KLK14: variants seen among roughly 807,000 people sequenced by gnomAD.
The protein encoded by KLK14 is kallikrein-14.
Under a neutral mutation model 24.6 loss-of-function variants are expected in KLK14, and 21 were observed. That is an observed-to-expected ratio of 0.85 (90% CI 0.61 to 1.23). The LOEUF is 1.23. Ranked by LOEUF, KLK14 falls within the 50% of genes most tolerant of loss-of-function variation. The pLI is 0.00. For synonymous variants in KLK14, 133 were observed against 139.7 expected (o/e 0.95, Z 0.34); for missense variants, 320 against 338.9 (o/e 0.94, Z 0.44).
At chr19:51,082,379 CG>C (rs1433715642) in intron 2 of KLK14, among the ~76,000 whole-genome samples, 195 bp downstream of exon 2, 4 of 152,132 alleles carry the variant, frequency 2.6e-5, no homozygotes, top group Admixed American at 2.6e-4. Flanking sequence ...CCTCTCTCCC[CG>C]GCCCCACAAT....
At chr19:51,081,767 G>T in intron 2 of KLK14, 64 bp from the exon 3 acceptor site, 1 of 1,384,566 alleles carries the variant, frequency 7.2e-7, no homozygotes, top group Non-Finnish European at 9.6e-7. Context: ...CCACAAGTTT[G>T]TAGGATTCCA....
In KLK14 at chr19:51,079,580, A is replaced by T. The variant is rs1216434157; in HGVS notation, c.335T>A (p.Leu112His). Residue 112 changes from leucine to histidine, a missense_variant, in exon 4 of 6, where the codon CTC (leucine) becomes CAC (histidine). Leu to His is a moderately conservative substitution (Grantham distance 99). Coordinates refer to ENST00000650543, the MANE Select transcript of KLK14 (RefSeq NM_001369775.2). ...GGGCTGCTGTAGCTGCAGCAGCATGAGGTCGTTGTCGTGGGTCCGGGAGTT... is the reference window on the plus strand; with the variant it reads ...GGGCTGCTGTAGCTGCAGCAGCATGTGGTCGTTGTCGTGGGTCCGGGAGTT... ...NYNSRTHDND[L>H]MLLQLQQPAR... 1 of 1,613,968 alleles carries T rather than the reference A, an allele frequency of 6.2e-7. No homozygotes were observed. Among genetic ancestry groups the T allele is most frequent in the Non-Finnish European group, 8.5e-7 (1 of 1,179,976 alleles).
At chr19:51,077,647 G>T (rs1279186753), downstream of KLK14, 1 of 190,686 alleles carries the variant, frequency 5.2e-6, no homozygotes, top group African/African-American at 3.1e-5. Context: ...GGGGACTGGG[G>T]CTCCTGGGTC....
downstream of KLK14, chr19:51,077,833 T>C (rs541106140): frequency 3.4e-3 from 1,262 of 370,610 alleles, 65 homozygotes; most frequent in African/African-American, 0.051. Context: ...CCTGGACTCC[T>C]GGGTCTGAGG....
At position 51,078,796 on chromosome 19, in the gene KLK14, C is replaced by T; in HGVS notation, c.603+19G>A. On this transcript the variant is annotated intron_variant, in intron 5 of 5. Transcript: ENST00000650543. The surrounding 1 kb of genome is among the most constrained non-coding windows in gnomAD (Gnocchi z 5.0). Reference sequence around the variant, plus strand: ...CAGTCCCAAATAATCCCTACCACAGCTCCCATCCTGGGCCTTACCTGACAA... The same window carrying T: ...CAGTCCCAAATAATCCCTACCACAGTTCCCATCCTGGGCCTTACCTGACAA... 6.2e-7 allele frequency: 1 copy of T among 1,611,932 alleles called. No homozygotes were observed. Among genetic ancestry groups the T allele is most frequent in the Non-Finnish European group, 8.5e-7 (1 of 1,178,906 alleles).
At position 51,078,477 on chromosome 19, in the gene KLK14, G is replaced by A. The variant is rs549257244; in HGVS notation, c.604-318C>T. Reference sequence around the variant, plus strand: ...CCCCATCTCTGCCTCCCTCAAGGATGCATTAAGATTTCTAGAAGCCTCAGC... The same window carrying A: ...CCCCATCTCTGCCTCCCTCAAGGATACATTAAGATTTCTAGAAGCCTCAGC... On this transcript the variant is annotated intron_variant, in intron 5 of 5. Transcript: ENST00000650543. This position sits in a 1 kb window ranked among gnomAD's most constrained non-coding sequence, Gnocchi z 5.0. Among the ~76,000 whole-genome samples, 2 of 152,240 alleles carry A rather than the reference G, an allele frequency of 1.3e-5. No individual in the cohort carries two copies. Among genetic ancestry groups the A allele is most frequent in the African/African-American group, 4.8e-5 (2 of 41,530 alleles).
chr19:51,083,514 G>A (rs148322449), upstream of KLK14, among the ~76,000 whole-genome samples: 382 of 151,972 alleles, frequency 2.5e-3, 2 homozygotes, highest in African/African-American at 8.9e-3. Context: ...GAGAGAGACT[G>A]GGAAAATGAA....
chr19:51,079,475 C>A lies in KLK14; in HGVS notation c.440G>T (p.Gly147Val). 6.2e-7 allele frequency: 1 copy of A among 1,613,262 alleles called. No individual in the cohort carries two copies. Among genetic ancestry groups the A allele is most frequent in the Non-Finnish European group, 8.5e-7 (1 of 1,179,796 alleles). ...GATGGGGCTGGATATAGTTCCCCAGCCTGACACTCGGCAGGAGGTCCCGGG... is the reference window on the plus strand; with the variant it reads ...GATGGGGCTGGATATAGTTCCCCAGACTGACACTCGGCAGGAGGTCCCGGG... The part of the protein sequence containing the change: ...ASPGTSCRVS[G>V]WGTISSPIAR... Residue 147 changes from glycine to valine, a missense_variant, in exon 4 of 6, where the codon GGC (glycine) becomes GTC (valine). Physicochemically the swap from Gly to Val is moderately radical, Grantham distance 109. Coordinates refer to ENST00000650543, the MANE Select transcript of KLK14 (RefSeq NM_001369775.2).
chr19:51,079,387 C>T (rs1213587091), intron 4 of KLK14, 62 bp downstream of exon 4: 3 of 1,483,966 alleles, frequency 2.0e-6, no homozygotes, highest in East Asian at 4.8e-5. Flanking sequence ...CCCAGCTCCA[C>T]CTCCTGGAGA....
intron 3 of KLK14, 89 bp downstream of exon 3, chr19:51,081,443 C>A (rs1410401594): frequency 1.6e-6 from 2 of 1,259,798 alleles, no homozygotes; most frequent in Non-Finnish European, 2.1e-6. Context: ...ACATTGGGTT[C>A]TATACAGAGA....
intron 2 of KLK14, 74 bp from the exon 3 acceptor site, chr19:51,081,777 A>C: frequency 1.5e-6 from 2 of 1,334,220 alleles, no homozygotes; most frequent in Middle Eastern, 1.9e-4. Flanking sequence ...GTAGGATTCC[A>C]AAACTGACAA....
intron 2 of KLK14, 124 bp downstream of exon 2, chr19:51,082,451 C>G (rs750496860): frequency 4.2e-5 from 37 of 874,600 alleles, no homozygotes; most frequent in Non-Finnish European, 6.0e-5. Context: ...CCATGACCCC[C>G]AAACCACTCC....
chr19:51,083,960 G>A (rs1023185858), upstream of KLK14, among the ~76,000 whole-genome samples: 2 of 152,048 alleles, frequency 1.3e-5, no homozygotes, highest in African/African-American at 2.4e-5. Flanking sequence ...CAGGCAGGCC[G>A]ATGGCAGAGG....
At chr19:51,083,409 A>G (rs960583058), upstream of KLK14, among the ~76,000 whole-genome samples, 12 of 150,520 alleles carry the variant, frequency 8.0e-5, no homozygotes, top group Non-Finnish European at 1.5e-5. Context: ...AGATGGAGAG[A>G]GAGACAGAGA....
chr19:51,079,848 C>T, intron 3 of KLK14, 146 bp from the exon 4 acceptor site: 1 of 1,273,340 alleles, frequency 7.9e-7, no homozygotes, highest in East Asian at 2.6e-5. Flanking sequence ...CATTCTTGGC[C>T]TCCTGTGCCC....
chr19:51,077,645 G>A (rs537200550), downstream of KLK14: 9 of 229,586 alleles, frequency 3.9e-5, no homozygotes, highest in South Asian at 7.0e-5. Flanking sequence ...TGGGGGACTG[G>A]GGCTCCTGGG....
rs758701767 is a variant in KLK14, at chr19:51,079,588, G to A, written c.327C>T (p.Asp109=). The change falls in exon 4 of 6, where the codon GAC becomes GAT. Residue 109 remains aspartate (D), a synonymous_variant. Transcript: ENST00000650543. ...THPNYNSRTH[D]NDLMLLQLQQ... ...GTAGCTGCAGCAGCATGAGGTCGTT[G>A]TCGTGGGTCCGGGAGTTGTAGTTGG... The A allele has an allele frequency of 1.9e-6, 3 of 1,613,960 alleles. No homozygotes were observed. The highest frequency in any genetic ancestry group is 3.3e-5 in the Admixed American group (2 of 60,010).
At chr19:51,082,544 C>G (rs369738539) in intron 2 of KLK14, 31 bp downstream of exon 2, 2 of 1,609,452 alleles carry the variant, frequency 1.2e-6, no homozygotes, top group East Asian at 2.2e-5. Flanking sequence ...TCCAGGGGAC[C>G]CCCTTGTGTC....
rs375493955 is a variant in KLK14, at chr19:51,081,654, C to T, written c.90G>A (p.Thr30=). Residue 30 remains threonine, a synonymous_variant, in exon 3 of 6, where the codon ACG becomes ACA. Coordinates refer to ENST00000650543, the MANE Select transcript of KLK14 (RefSeq NM_001369775.2). The part of the protein sequence containing the change: ...EDENKIIGGH[T]CTRSSQPWQA... ...GCCACGGCTGGGAGCTCCGGGTGCA[C>T]GTATGGCCACCAATTATCTTGTTCT... is the stretch of plus-strand genomic sequence containing the variant. 8.6e-5 allele frequency: 134 copies of T among 1,552,310 alleles called. No homozygotes were observed. The highest frequency in any genetic ancestry group is 6.6e-4 in the South Asian group (55 of 83,968).
Sources: gnomAD v4.1 joint callset for allele counts (sites outside exome capture counted in the v4.1 genomes callset) on GRCh38, gnomAD v4.1.1 for gene constraint, Gnocchi (gnomAD v3.1) non-coding constraint, MANE v1.5 for transcripts, NCBI Gene and HGNC (gene_info 2026-07-23, HGNC 2026-07-21) for gene names.